Variants in PSMB7 observed in about 807,000 individuals in gnomAD.
PSMB7 encodes the protein proteasome subunit beta type-7.
Under a neutral mutation model 28.1 loss-of-function variants are expected in PSMB7, and 5 were observed. That is an observed-to-expected ratio of 0.18 (90% CI 0.09 to 0.37). The LOEUF is 0.37. Ranked by LOEUF, PSMB7 falls within the 10% of genes least tolerant of loss-of-function variation. The pLI, the probability that PSMB7 is intolerant of heterozygous loss-of-function variation, is 1.00. For synonymous variants in PSMB7, 122 were observed against 123.7 expected (o/e 0.99, Z 0.09); for missense variants, 275 against 346.2 (o/e 0.79, Z 1.63).
chr9:124,385,706 G>A (rs996377164), intron 5 of PSMB7, among the ~76,000 whole-genome samples: 6 of 152,060 alleles, frequency 3.9e-5, no homozygotes, highest in Non-Finnish European at 7.4e-5. Flanking sequence ...TGTGTACATC[G>A]CTTGACCACC....
intron 5 of PSMB7, among the ~76,000 whole-genome samples, chr9:124,392,498 C>T (rs1830797037): frequency 2.0e-5 from 3 of 152,210 alleles, no homozygotes; most frequent in African/African-American, 7.2e-5. Context: ...CTTCCCCGCA[C>T]AAGAGGGCAG....
chr9:124,376,766 A>C (rs1830613942), intron 6 of PSMB7, among the ~76,000 whole-genome samples: 1 of 152,234 alleles, frequency 6.6e-6, no homozygotes, highest in Admixed American at 6.5e-5. Flanking sequence ...CAGTGGCTGA[A>C]CCCATCGGAG....
intron 6 of PSMB7, among the ~76,000 whole-genome samples, chr9:124,375,486 T>A (rs1479468453): frequency 6.6e-6 from 1 of 152,096 alleles, no homozygotes; most frequent in African/African-American, 2.4e-5. Context: ...TTAAAAGCAT[T>A]TAATGAGAAA....
chr9:124,367,672 T>C lies in PSMB7; in HGVS notation c.571-10757A>G, dbSNP rs552948417. Among the ~76,000 whole-genome samples, 68 of 152,266 alleles carry C rather than the reference T, an allele frequency of 4.5e-4. 1 individual carries two copies. The South Asian group carries it at 0.013, about 30-fold the overall frequency. On this transcript the variant is annotated intron_variant, in intron 6 of 7. Transcript: ENST00000259457. ...CTTACCAGCGGTGTGACCTCAGTGA[T>C]AAAAGTCACTCCACATTTTTAAGTT...
At chr9:124,382,433 C>G (rs1830677309) in intron 6 of PSMB7, among the ~76,000 whole-genome samples, 1 of 151,756 alleles carries the variant, frequency 6.6e-6, no homozygotes, top group Admixed American at 6.6e-5. Context: ...GTCTCGAACT[C>G]CTGACCTCAA....
At chr9:124,355,158 C>T (rs1162576055) in intron 7 of PSMB7, among the ~76,000 whole-genome samples, 1 of 152,244 alleles carries the variant, frequency 6.6e-6, no homozygotes, top group Admixed American at 6.5e-5. Flanking sequence ...GGAGCTTGGA[C>T]ACTTGCTGCC....
chr9:124,379,694 T>C (rs1830645991), intron 6 of PSMB7, among the ~76,000 whole-genome samples: 2 of 152,208 alleles, frequency 1.3e-5, no homozygotes, highest in Admixed American at 1.3e-4. Context: ...CAATGAGCAT[T>C]TGCCCTTTGC....
At chr9:124,392,342 C>T (rs773509999) in intron 5 of PSMB7, among the ~76,000 whole-genome samples, 12 of 152,222 alleles carry the variant, frequency 7.9e-5, no homozygotes, top group Non-Finnish European at 1.3e-4. Flanking sequence ...GGTGGCCCGG[C>T]TCTGGCGCTC....
intron 6 of PSMB7, among the ~76,000 whole-genome samples, chr9:124,381,377 TTTG>T (rs1830662933): frequency 5.3e-5 from 8 of 152,228 alleles, no homozygotes; most frequent in Admixed American, 4.6e-4. Flanking sequence ...GGTTGAACAA[TTTG>T]TTATTACAAC....
At chr9:124,407,630 T>C (rs1830980514) in intron 4 of PSMB7, among the ~76,000 whole-genome samples, 1 of 152,228 alleles carries the variant, frequency 6.6e-6, no homozygotes, top group Admixed American at 6.5e-5. Flanking sequence ...ATAATCAAGA[T>C]GTTTTGGCAA....
chr9:124,382,094 A>G (rs771847923), intron 6 of PSMB7, among the ~76,000 whole-genome samples: 1 of 151,202 alleles, frequency 6.6e-6, no homozygotes, highest in African/African-American at 2.4e-5. Flanking sequence ...CCCAGTCTCT[A>G]CAAGAATTGC....
intron 6 of PSMB7, among the ~76,000 whole-genome samples, chr9:124,375,201 T>G (rs1830597521): frequency 6.6e-6 from 1 of 152,156 alleles, no homozygotes; most frequent in Non-Finnish European, 1.5e-5. Flanking sequence ...TCTCACTCTG[T>G]CGCCCCAGGC....
chr9:124,409,221 C>A (rs1459925932), intron 4 of PSMB7, among the ~76,000 whole-genome samples: 2 of 152,156 alleles, frequency 1.3e-5, no homozygotes, highest in African/African-American at 2.4e-5. Context: ...ATAACATACA[C>A]CAAACCAAGA....
chr9:124,375,966 C>T (rs1830606202), intron 6 of PSMB7, among the ~76,000 whole-genome samples: 1 of 152,156 alleles, frequency 6.6e-6, no homozygotes, highest in Non-Finnish European at 1.5e-5. Context: ...GGGACAGAGG[C>T]ATTTGGATCA....
At chr9:124,382,335 G>C (rs1029921080) in intron 6 of PSMB7, among the ~76,000 whole-genome samples, 1 of 119,258 alleles carries the variant, frequency 8.4e-6, no homozygotes, top group Admixed American at 8.0e-5. Flanking sequence ...AGCCTCCCGA[G>C]TAGCTGGGAT....
Position 124,356,668 on chromosome 9 carries a change from G to T in PSMB7, c.722+96C>A, listed in dbSNP as rs1830410886. ...GGGAACACTGGATGTACTTAATGTGGAAAGAACCAGGAAAACTCCATCCAG... is the reference window on the plus strand; with the variant it reads ...GGGAACACTGGATGTACTTAATGTGTAAAGAACCAGGAAAACTCCATCCAG... On this transcript the variant is annotated intron_variant, in intron 7 of 7. Transcript: ENST00000259457. This position sits in a 1 kb window ranked among gnomAD's most constrained non-coding sequence, Gnocchi z 4.4. 1 of 1,398,652 alleles carries T rather than the reference G, an allele frequency of 7.1e-7. No individual in the cohort carries two copies. Among genetic ancestry groups the T allele is most frequent in the Non-Finnish European group, 9.8e-7 (1 of 1,023,234 alleles). 86.6% of individuals were successfully genotyped at this position (1,398,652 alleles called of 1,614,324 possible). A position where few individuals can be genotyped will look rare whatever the true frequency, so the allele number is the denominator to read the frequency against.
At chr9:124,388,489 GT>G (rs1351603372) in intron 5 of PSMB7, among the ~76,000 whole-genome samples, 6 of 152,184 alleles carry the variant, frequency 3.9e-5, no homozygotes, top group Non-Finnish European at 7.3e-5. Context: ...CCTATTTTAG[GT>G]CATTTCATCA....
chr9:124,403,087 AT>A (rs1292060659), intron 5 of PSMB7, among the ~76,000 whole-genome samples: 1 of 152,216 alleles, frequency 6.6e-6, no homozygotes, highest in African/African-American at 2.4e-5. Context: ...TAAGAGGTAA[AT>A]GACAGCTGGA....
chr9:124,415,014 G>A (rs530625538), intron 1 of PSMB7, 79 bp from the exon 2 acceptor site: 19 of 936,966 alleles, frequency 2.0e-5, no homozygotes, highest in Non-Finnish European at 2.9e-5. Context: ...GCCTAACAGA[G>A]AACTCAGGAA....
Sources: gnomAD v4.1 joint callset for allele counts (sites outside exome capture counted in the v4.1 genomes callset) on GRCh38, gnomAD v4.1.1 for gene constraint, Gnocchi (gnomAD v3.1) non-coding constraint, MANE v1.5 for transcripts, NCBI Gene and HGNC (gene_info 2026-07-23, HGNC 2026-07-21) for gene names.